PLCE1: variants seen among roughly 807,000 people sequenced by gnomAD.
The protein encoded by PLCE1 is phospholipase C epsilon 1.
A neutral mutation model predicts 242.8 loss-of-function variants in PLCE1; 119 were observed. The observed-to-expected ratio is 0.49, with a 90% confidence interval of 0.42 to 0.57. The LOEUF (loss-of-function observed/expected upper bound fraction) is 0.57. Ranked by LOEUF, PLCE1 falls within the 20% of genes least tolerant of loss-of-function variation. The probability of loss-of-function intolerance (pLI) is 0.00; values close to 1 mark genes in which losing one functional copy is unlikely to be tolerated. For synonymous variants in PLCE1, 945 were observed against 1,017.4 expected (o/e 0.93, Z 1.35); for missense variants, 2,441 against 2,788.8 (o/e 0.88, Z 2.81).
intron 24 of PLCE1, among the ~76,000 whole-genome samples, chr10:94,300,133 C>G (rs7893741): frequency 6.6e-6 from 1 of 152,150 alleles, no homozygotes; most frequent in Admixed American, 6.5e-5. Context: ...AAGTCACTAT[C>G]AAAAGATTTT....
At position 94,161,679 on chromosome 10, in the gene PLCE1, C is replaced by A. The variant is rs577520893; in HGVS notation, c.1493-9501C>A. ...TCCTGTCTGATTACCCTGGCCAGAA[C>A]TTCCAACACTATTTTGAATATGAGT... is the stretch of plus-strand genomic sequence containing the variant. On this transcript the variant is annotated intron_variant, in intron 3 of 32. Transcript: ENST00000371380. Among the ~76,000 whole-genome samples the A allele has an allele frequency of 1.8e-4, 28 of 152,314 alleles. No individual in the cohort carries two copies. The South Asian group carries it at 5.8e-3, about 32-fold the overall frequency.
chr10:94,240,287 C>T (rs886415960), intron 7 of PLCE1, among the ~76,000 whole-genome samples: 1 of 152,182 alleles, frequency 6.6e-6, no homozygotes, highest in Non-Finnish European at 1.5e-5. Context: ...TTTAAGCAAA[C>T]ACTGCTCTAA....
At chr10:94,024,629 C>T (rs1203323859) in intron 1 of PLCE1, among the ~76,000 whole-genome samples, 1 of 152,072 alleles carries the variant, frequency 6.6e-6, no homozygotes, top group African/African-American at 2.4e-5. Context: ...AGGTGCTTAA[C>T]CAATAGGCAG....
chr10:94,151,509 C>T (rs1436848727), intron 3 of PLCE1, among the ~76,000 whole-genome samples: 2 of 152,154 alleles, frequency 1.3e-5, no homozygotes. Flanking sequence ...GTTTGGATAT[C>T]TTGACTTTGA....
At chr10:94,089,024 T>C (rs1185376726) in intron 2 of PLCE1, 38 of 1,519,834 alleles carry the variant, frequency 2.5e-5, no homozygotes, top group Non-Finnish European at 3.4e-5. Context: ...TAAACACTCA[T>C]CACCCTGCAC....
Position 94,327,953 on chromosome 10 carries a change from T to C in PLCE1, c.*25-15T>C, listed in dbSNP as rs745533827. Reference sequence around the variant, plus strand: ...TTTTCAGTATACTAATAAGCCTCTGTATACAACATTACAGGTGAAGATCTT... The same window carrying C: ...TTTTCAGTATACTAATAAGCCTCTGCATACAACATTACAGGTGAAGATCTT... On this transcript the variant is annotated splice_polypyrimidine_tract_variant and intron_variant, in intron 32 of 32. Transcript: ENST00000371380. 7.5e-6 allele frequency: 4 copies of C among 532,096 alleles called. No individual in the cohort carries two copies. Among genetic ancestry groups the C allele is most frequent in the African/African-American group, 1.9e-5 (1 of 51,938 alleles). The allele number at this position is 532,096 out of a possible 1,614,324, so 33.0% of individuals were successfully genotyped here.
At chr10:94,187,528 C>T (rs1011533073) in intron 4 of PLCE1, among the ~76,000 whole-genome samples, 9 of 152,006 alleles carry the variant, frequency 5.9e-5, no homozygotes, top group Admixed American at 1.3e-4. Context: ...CCCGATGGCT[C>T]GGTACCCATT....
chr10:94,189,777 C>A (rs2048601741), intron 4 of PLCE1, among the ~76,000 whole-genome samples: 1 of 152,156 alleles, frequency 6.6e-6, no homozygotes, highest in African/African-American at 2.4e-5. Context: ...TCAGGCTTTC[C>A]AAGCGTGGCT....
chr10:94,112,982 A>T (rs1301939939), intron 2 of PLCE1, among the ~76,000 whole-genome samples: 1 of 152,162 alleles, frequency 6.6e-6, no homozygotes, highest in African/African-American at 2.4e-5. Flanking sequence ...GATGAAACAG[A>T]TGAATGCTGA....
At chr10:94,042,718 A>G (rs1282302050) in intron 2 of PLCE1, among the ~76,000 whole-genome samples, 1 of 152,076 alleles carries the variant, frequency 6.6e-6, no homozygotes, top group African/African-American at 2.4e-5. Flanking sequence ...TTTATTTTTT[A>G]TGACTCAGCC....
intron 6 of PLCE1, 27 bp from the exon 7 acceptor site, chr10:94,235,888 T>C: frequency 6.3e-7 from 1 of 1,593,132 alleles, no homozygotes; most frequent in East Asian, 2.2e-5. Context: ...TAAGTTGCAA[T>C]AGCAAATTCT....
At chr10:94,226,979 C>A in intron 4 of PLCE1, 1 of 344,244 alleles carries the variant, frequency 2.9e-6, no homozygotes, top group Non-Finnish European at 5.6e-6. Flanking sequence ...AGGGTTCAAG[C>A]GATTCTCCTG....
chr10:94,236,196 CT>C, intron 7 of PLCE1, 76 bp downstream of exon 7: 1 of 1,282,716 alleles, frequency 7.8e-7, no homozygotes, highest in Non-Finnish European at 1.1e-6. Context: ...CCTACTTCAG[CT>C]TAGTTTCAGA....
chr10:94,055,456 C>T, intron 2 of PLCE1, among the ~76,000 whole-genome samples: 1 of 152,034 alleles, frequency 6.6e-6, no homozygotes, highest in Admixed American at 6.6e-5. Flanking sequence ...GCTGGGATTA[C>T]AGGCACCCAC....
chr10:94,123,213 A>T (rs35867728), intron 2 of PLCE1, among the ~76,000 whole-genome samples: 7,571 of 152,216 alleles, frequency 0.05, 283 homozygotes, highest in Non-Finnish European at 0.078. Flanking sequence ...ATTTTAATAA[A>T]AGGGATGTGG....
chr10:94,076,958 A>C (rs1293464132), intron 2 of PLCE1, among the ~76,000 whole-genome samples: 1 of 152,214 alleles, frequency 6.6e-6, no homozygotes, highest in Admixed American at 6.5e-5. Flanking sequence ...ACAGCACATA[A>C]GTGGATAAAG....
chr10:94,247,305 G>A (rs1049104020), intron 8 of PLCE1, among the ~76,000 whole-genome samples: 1 of 151,266 alleles, frequency 6.6e-6, no homozygotes, highest in East Asian at 2.0e-4. Flanking sequence ...TAATGACCCT[G>A]GTCGCGGTTT....
chr10:94,008,837 A>G (rs558824344), intron 1 of PLCE1, among the ~76,000 whole-genome samples: 75 of 152,284 alleles, frequency 4.9e-4, no homozygotes, highest in African/African-American at 1.8e-3. Context: ...TGTTGCTGCC[A>G]TGGCTTAGAG....
rs762259865 is a variant in PLCE1, at chr10:94,032,231, G to T, written c.1185G>T (p.Leu395=). The part of the protein sequence containing the change: ...VEIRQDGSQR[L]SEAQWYPIYN... ...TAAGGCAAGATGGGAGCCAACGTCT[G>T]TCAGAAGCCCAGTGGTATCCTGTAA... Residue 395 remains leucine (L), a synonymous_variant, in exon 2 of 33, where the codon CTG becomes CTT. Coordinates refer to ENST00000371380, the MANE Select transcript of PLCE1 (RefSeq NM_016341.4). 29 of 1,613,196 alleles carry T rather than the reference G, an allele frequency of 1.8e-5. No individual in the cohort carries two copies. The highest frequency in any genetic ancestry group is 2.4e-5 in the Non-Finnish European group (28 of 1,179,648).
Sources: gnomAD v4.1 joint callset for allele counts (sites outside exome capture counted in the v4.1 genomes callset) on GRCh38, gnomAD v4.1.1 for gene constraint, MANE v1.5 for transcripts, NCBI Gene and HGNC (gene_info 2026-07-23, HGNC 2026-07-21) for gene names.